ADAM22: variants seen among roughly 807,000 people sequenced by gnomAD.
The protein encoded by ADAM22 is disintegrin and metalloproteinase domain-containing protein 22.
In ADAM22, 65 loss-of-function variants were observed where a neutral mutation model predicts 144.6. The observed-to-expected ratio is 0.45, with a 90% CI of 0.37 to 0.55. ADAM22 has a LOEUF of 0.55. Ranked by LOEUF, ADAM22 falls within the 20% of genes least tolerant of loss-of-function variation. The pLI is 0.00. For missense variants in ADAM22, 974 were observed against 1,184.9 expected, an observed-to-expected ratio of 0.82 and a Z score of 2.61; for synonymous variants, 391 against 412.6, an observed-to-expected ratio of 0.95 and a Z score of 0.63.
intron 31 of ADAM22, among the ~76,000 whole-genome samples, chr7:88,194,090 TGATA>T (rs1850182608): frequency 6.6e-6 from 1 of 152,220 alleles, no homozygotes; most frequent in Admixed American, 6.5e-5. Flanking sequence ...AAAGACTTCT[TGATA>T]GATACCTAGT....
At chr7:87,938,676 C>T (rs1841858369) in intron 2 of ADAM22, among the ~76,000 whole-genome samples, 1 of 151,844 alleles carries the variant, frequency 6.6e-6, no homozygotes, top group Non-Finnish European at 1.5e-5. Context: ...GATGGAGTCT[C>T]ACTCTCTTGC....
At chr7:88,081,572 G>T (rs1378563550) in intron 4 of ADAM22, among the ~76,000 whole-genome samples, 2 of 151,104 alleles carry the variant, frequency 1.3e-5, no homozygotes, top group East Asian at 3.9e-4. Flanking sequence ...CAGATGACAT[G>T]ATTGTATATC....
intron 3 of ADAM22, among the ~76,000 whole-genome samples, chr7:88,006,197 C>G (rs1250377368): frequency 1.3e-5 from 2 of 152,002 alleles, no homozygotes; most frequent in African/African-American, 4.8e-5. Context: ...CAATACTAAA[C>G]CAGGAAGAAG....
intron 3 of ADAM22, among the ~76,000 whole-genome samples, chr7:87,996,089 A>G (rs1438057405): frequency 6.6e-6 from 1 of 152,168 alleles, no homozygotes; most frequent in Non-Finnish European, 1.5e-5. Flanking sequence ...AGTAATAGGG[A>G]CACGGCCGTG....
At chr7:88,024,593 C>A (rs917007572) in intron 3 of ADAM22, among the ~76,000 whole-genome samples, 1 of 151,864 alleles carries the variant, frequency 6.6e-6, no homozygotes, top group African/African-American at 2.4e-5. Context: ...GGTACATGTG[C>A]ACAACGTGCA....
intron 2 of ADAM22, among the ~76,000 whole-genome samples, chr7:87,955,014 G>A (rs1400351694): frequency 3.3e-5 from 5 of 151,722 alleles, no homozygotes; most frequent in South Asian, 2.1e-4. Context: ...CTCTGTATTG[G>A]TTATTCTAGT....
intron 4 of ADAM22, among the ~76,000 whole-genome samples, chr7:88,083,915 A>T (rs931575952): frequency 1.3e-5 from 2 of 150,118 alleles, no homozygotes; most frequent in African/African-American, 5.1e-5. Flanking sequence ...ATAGTTGGGA[A>T]AAAAAAATTA....
At position 88,131,444 on chromosome 7, in the gene ADAM22, C is replaced by T. The variant is rs1398807722; in HGVS notation, c.992+9C>T. On this transcript the variant is annotated intron_variant, in intron 11 of 31. Transcript: ENST00000413139. Reference sequence around the variant, plus strand: ...GCAGTTCACCTTTTTTCGTACGTAACTTCTGTAATGATGTATTACTTTTTT... The same window carrying T: ...GCAGTTCACCTTTTTTCGTACGTAATTTCTGTAATGATGTATTACTTTTTT... 1 of 1,612,904 alleles carries T rather than the reference C, an allele frequency of 6.2e-7. No individual in the cohort carries two copies. The highest frequency in any genetic ancestry group is 2.2e-5 in the East Asian group (1 of 44,830).
chr7:88,180,798 G>A (rs1312815057), intron 27 of ADAM22, among the ~76,000 whole-genome samples: 2 of 152,062 alleles, frequency 1.3e-5, no homozygotes, highest in Non-Finnish European at 2.9e-5. Flanking sequence ...GTGGTACAAG[G>A]TAGGTGTGTA....
chr7:87,952,821 C>G (rs1845610830), intron 2 of ADAM22, among the ~76,000 whole-genome samples: 1 of 152,122 alleles, frequency 6.6e-6, no homozygotes, highest in Admixed American at 6.6e-5. Flanking sequence ...AATTTCAGAT[C>G]CTGTTATTGG....
intron 3 of ADAM22, among the ~76,000 whole-genome samples, chr7:88,053,589 A>C (rs1807176490): frequency 8.9e-6 from 1 of 112,320 alleles, no homozygotes; most frequent in Non-Finnish European, 1.8e-5. Flanking sequence ...GGAAGGAAGG[A>C]AGGAAAGAAA....
intron 7 of ADAM22, among the ~76,000 whole-genome samples, chr7:88,123,294 CT>C (rs945065256): frequency 9.4e-5 from 14 of 148,482 alleles, no homozygotes; most frequent in African/African-American, 2.7e-4. Context: ...TTTCCAAACT[CT>C]TTTTTTTTTC....
intron 4 of ADAM22, among the ~76,000 whole-genome samples, chr7:88,103,647 T>A (rs1378064845): frequency 6.6e-6 from 1 of 152,114 alleles, no homozygotes; most frequent in Non-Finnish European, 1.5e-5. Flanking sequence ...CAATAAGGAA[T>A]AAAGCTATGA....
intron 4 of ADAM22, among the ~76,000 whole-genome samples, chr7:88,076,156 G>C (rs1814420968): frequency 6.6e-6 from 1 of 152,132 alleles, no homozygotes; most frequent in Non-Finnish European, 1.5e-5. Flanking sequence ...TCCTGCCTCA[G>C]TCTCCCGAGT....
chr7:87,976,929 A>G (rs1852030181), intron 2 of ADAM22, among the ~76,000 whole-genome samples: 2 of 150,074 alleles, frequency 1.3e-5, no homozygotes. Flanking sequence ...TTTGATAAGG[A>G]GCCAACTTTA....
chr7:88,094,927 A>C (rs906736628), intron 4 of ADAM22, among the ~76,000 whole-genome samples: 9 of 152,200 alleles, frequency 5.9e-5, no homozygotes, highest in Admixed American at 2.6e-4. Flanking sequence ...TCAAATCCTG[A>C]CTTTGCCAGT....
At chr7:88,008,037 T>C (rs1794399889) in intron 3 of ADAM22, among the ~76,000 whole-genome samples, 1 of 151,802 alleles carries the variant, frequency 6.6e-6, no homozygotes, top group Non-Finnish European at 1.5e-5. Flanking sequence ...TACAACGAAC[T>C]CAAACAAATT....
rs537662056 is a variant in ADAM22, at chr7:87,966,921, G to A, written c.247-11415G>A. On this transcript the variant is annotated intron_variant, in intron 2 of 31. Coordinates refer to ENST00000413139, the MANE Select transcript of ADAM22 (RefSeq NM_001324418.2). ...CATCTCATCTTGAATTGTAGTTCCC[G>A]TAATCCCAACATGTCATGGGAGGGA... Among the ~76,000 whole-genome samples, 25 of 151,788 alleles carry A rather than the reference G, an allele frequency of 1.6e-4. No homozygotes were observed. In the South Asian group the frequency reaches 5.0e-3, roughly 30 times the overall value.
intron 3 of ADAM22, among the ~76,000 whole-genome samples, chr7:87,983,401 T>C (rs1277830847): frequency 6.6e-6 from 1 of 152,164 alleles, no homozygotes; most frequent in Non-Finnish European, 1.5e-5. Flanking sequence ...AGTATTTTCC[T>C]AGGAATTGTA....
Sources: allele counts gnomAD v4.1 joint callset (sites outside exome capture counted in the v4.1 genomes callset), GRCh38; gene constraint gnomAD v4.1.1; transcripts MANE v1.5; gene names NCBI Gene and HGNC (gene_info 2026-07-23, HGNC 2026-07-21).